Variants in MGMT observed in about 807,000 individuals in gnomAD.
MGMT encodes methylated-DNA--protein-cysteine methyltransferase.
Under a neutral mutation model 15.9 loss-of-function variants are expected in MGMT, and 14 were observed. The observed-to-expected ratio is 0.88, with a 90% CI of 0.58 to 1.37. The LOEUF is 1.37. MGMT is among the 40% of genes most tolerant of loss of function. The pLI, the probability that MGMT is intolerant of heterozygous loss-of-function variation, is 0.00. For missense variants in MGMT, 282 were observed against 268.1 expected (o/e 1.05, Z -0.36); for synonymous variants, 130 against 118.2 (o/e 1.10, Z -0.65).
intron 3 of MGMT, among the ~76,000 whole-genome samples, chr10:129,727,980 G>T (rs1251752486): frequency 6.6e-6 from 1 of 152,176 alleles, no homozygotes; most frequent in Non-Finnish European, 1.5e-5. Flanking sequence ...GCAGGGGAGG[G>T]TGTGAGGAGG....
Position 129,751,093 on chromosome 10 carries a change from C to A in MGMT, c.275-8109C>A, listed in dbSNP as rs542429414. On this transcript the variant is annotated intron_variant, in intron 3 of 4. Coordinates refer to ENST00000651593, the MANE Select transcript of MGMT (RefSeq NM_002412.5). ...AACACTTTAGAAAATGTTCCTTTCT[C>A]TGGAAAAAATTATGTCAAATCAATC... 1.3e-3 allele frequency among the ~76,000 whole-genome samples: 197 copies of A among 152,096 alleles called. 1 individual carries two copies. Among genetic ancestry groups the A allele is most frequent in the African/African-American group, 4.3e-3 (179 of 41,544 alleles).
At chr10:129,733,306 CAGTG>C (rs1165035974) in intron 3 of MGMT, among the ~76,000 whole-genome samples, 1 of 151,708 alleles carries the variant, frequency 6.6e-6, no homozygotes, top group African/African-American at 2.4e-5. Context: ...CTCTGATGGC[CAGTG>C]ATGGTGAGCA....
intron 2 of MGMT, among the ~76,000 whole-genome samples, chr10:129,653,000 G>A (rs1325845888): frequency 3.3e-5 from 5 of 152,222 alleles, no homozygotes; most frequent in African/African-American, 1.2e-4. Context: ...CCCAGGACAC[G>A]ATCCAGTGGC....
chr10:129,686,323 T>G (rs1346551601), intron 2 of MGMT, among the ~76,000 whole-genome samples: 1 of 152,196 alleles, frequency 6.6e-6, no homozygotes, highest in African/African-American at 2.4e-5. Context: ...GCAAGTAAGA[T>G]AATTCCACAT....
At chr10:129,537,752 G>A (rs891263967) in intron 2 of MGMT, among the ~76,000 whole-genome samples, 3 of 152,254 alleles carry the variant, frequency 2.0e-5, no homozygotes, top group Non-Finnish European at 4.4e-5. Flanking sequence ...AGGTTCAGGT[G>A]TAAAAACAGC....
chr10:129,471,126 T>A (rs1845226226), intron 1 of MGMT, among the ~76,000 whole-genome samples: 1 of 152,220 alleles, frequency 6.6e-6, no homozygotes, highest in Non-Finnish European at 1.5e-5. Context: ...AGGTACTTGT[T>A]AAATCTATGT....
intron 2 of MGMT, among the ~76,000 whole-genome samples, chr10:129,549,114 T>A (rs1846127956): frequency 6.6e-6 from 1 of 152,214 alleles, no homozygotes; most frequent in South Asian, 2.1e-4. Context: ...AGTGCCTGTC[T>A]CCTTGGTGCC....
chr10:129,593,916 A>G (rs1447414403), intron 2 of MGMT, among the ~76,000 whole-genome samples: 2 of 152,242 alleles, frequency 1.3e-5, no homozygotes, highest in African/African-American at 2.4e-5. Flanking sequence ...TTCCTTATGC[A>G]GAGGTCTCTG....
At chr10:129,476,294 C>T (rs1292562420) in intron 1 of MGMT, among the ~76,000 whole-genome samples, 2 of 152,218 alleles carry the variant, frequency 1.3e-5, no homozygotes, top group Non-Finnish European at 2.9e-5. Context: ...TTGTTTGTCA[C>T]TCCAGAAAGC....
intron 2 of MGMT, among the ~76,000 whole-genome samples, chr10:129,547,363 C>A (rs1454085040): frequency 6.6e-6 from 1 of 152,150 alleles, no homozygotes; most frequent in Non-Finnish European, 1.5e-5. Flanking sequence ...CTCACCTCCC[C>A]CCTTTCCTCC....
chr10:129,587,035 C>G (rs1453854077), intron 2 of MGMT, among the ~76,000 whole-genome samples: 2 of 152,104 alleles, frequency 1.3e-5, no homozygotes, highest in African/African-American at 4.8e-5. Flanking sequence ...TTCTCTTTTC[C>G]TTTTCTTAAA....
chr10:129,719,376 G>C lies in MGMT; in HGVS notation c.274+11333G>C, dbSNP rs1044727950. 2.0e-5 allele frequency among the ~76,000 whole-genome samples: 3 copies of C among 152,214 alleles called. No individual in the cohort carries two copies. In the South Asian group the frequency reaches 6.2e-4, roughly 32 times the overall value. The stretch of plus-strand genomic sequence containing the variant: ...GCCTGGTGCGCGCTGGGGCAACCTC[G>C]GGAAACACTCTTAGCCTTTGTATTG... On this transcript the variant is annotated intron_variant, in intron 3 of 4. Transcript: ENST00000651593.
At chr10:129,677,175 T>TG (rs1847795669) in intron 2 of MGMT, among the ~76,000 whole-genome samples, 1 of 151,784 alleles carries the variant, frequency 6.6e-6, no homozygotes, top group South Asian at 2.1e-4. Flanking sequence ...CATGTGTTTT[T>TG]TTTTTAAAGA....
intron 1 of MGMT, among the ~76,000 whole-genome samples, chr10:129,479,641 G>C (rs951501636): frequency 6.6e-6 from 1 of 152,114 alleles, no homozygotes; most frequent in African/African-American, 2.4e-5. Flanking sequence ...TATGAAAAAA[G>C]GGAGAACAAG....
chr10:129,485,206 A>T (rs1451272231), intron 1 of MGMT, among the ~76,000 whole-genome samples: 1 of 151,934 alleles, frequency 6.6e-6, no homozygotes, highest in Admixed American at 6.6e-5. Context: ...GGCCACAGGG[A>T]CTCTTCTGGA....
intron 3 of MGMT, among the ~76,000 whole-genome samples, chr10:129,754,941 G>A (rs545372074): frequency 1.6e-4 from 24 of 152,142 alleles, no homozygotes; most frequent in East Asian, 1.5e-3. Flanking sequence ...CGAGCCCCTA[G>A]GGGGCTCCCC....
At chr10:129,650,834 C>T (rs771830391) in intron 2 of MGMT, among the ~76,000 whole-genome samples, 3 of 152,148 alleles carry the variant, frequency 2.0e-5, no homozygotes, top group South Asian at 2.1e-4. Flanking sequence ...CACCCTTTCT[C>T]GATGTGCCTG....
intron 2 of MGMT, among the ~76,000 whole-genome samples, chr10:129,558,939 C>T (rs1846246426): frequency 1.3e-5 from 2 of 152,264 alleles, no homozygotes; most frequent in Admixed American, 6.5e-5. Context: ...CTGGGGGCGG[C>T]GTGTGCTCTC....
At chr10:129,504,358 A>G (rs1226709429) in intron 1 of MGMT, among the ~76,000 whole-genome samples, 1 of 152,204 alleles carries the variant, frequency 6.6e-6, no homozygotes, top group Non-Finnish European at 1.5e-5. Flanking sequence ...TCACCTTTCC[A>G]TTGAGTTACA....
Sources: gnomAD v4.1 joint callset for allele counts (sites outside exome capture counted in the v4.1 genomes callset) on GRCh38, gnomAD v4.1.1 for gene constraint, MANE v1.5 for transcripts, NCBI Gene and HGNC (gene_info 2026-07-23, HGNC 2026-07-21) for gene names.